Variants in PPARGC1A observed in about 807,000 individuals in gnomAD.
PPARGC1A encodes the protein PPARG coactivator 1 alpha.
Under a neutral mutation model 88.7 loss-of-function variants are expected in PPARGC1A, and 25 were observed. The observed-to-expected ratio is 0.28, with a 90% confidence interval of 0.21 to 0.39. The LOEUF (loss-of-function observed/expected upper bound fraction) is 0.39, where lower values mean the gene tolerates loss of function less well. Among genes scored for constraint, PPARGC1A ranks in the 10% least tolerant of loss-of-function variants. The pLI is 1.00. For missense variants in PPARGC1A, 880 were observed against 968.7 expected (o/e 0.91, Z 1.22); for synonymous variants, 363 against 355.6 (o/e 1.02, Z -0.24).
the PPARGC1A span, among the ~76,000 whole-genome samples, chr4:24,434,578 C>T: frequency 6.6e-6 from 1 of 152,164 alleles, no homozygotes. Flanking sequence ...CAGGGTGGGG[C>T]CCCTGGAAAC....
chr4:24,197,256 T>G, the PPARGC1A span, among the ~76,000 whole-genome samples: 4 of 152,214 alleles, frequency 2.6e-5, no homozygotes, highest in Non-Finnish European at 5.9e-5. Flanking sequence ...AATAACAACC[T>G]GCCATCTACC....
chr4:24,403,589 G>A, the PPARGC1A span, among the ~76,000 whole-genome samples: 1 of 152,114 alleles, frequency 6.6e-6, no homozygotes, highest in Non-Finnish European at 1.5e-5. Flanking sequence ...GACAGCATAA[G>A]ACCAGAAAGA....
the PPARGC1A span, among the ~76,000 whole-genome samples, chr4:23,993,818 CT>C: frequency 6.6e-6 from 1 of 152,004 alleles, no homozygotes; most frequent in East Asian, 1.9e-4. Flanking sequence ...AGAAAGCTTT[CT>C]TTTTTCCTAA....
chr4:24,285,799 T>C, the PPARGC1A span, among the ~76,000 whole-genome samples: 4 of 152,176 alleles, frequency 2.6e-5, no homozygotes, highest in Admixed American at 2.0e-4. Context: ...TTCTCCCTCA[T>C]ATATATTCTT....
chr4:23,845,420 T>C (rs1009236731), intron 2 of PPARGC1A, among the ~76,000 whole-genome samples: 2 of 152,118 alleles, frequency 1.3e-5, no homozygotes, highest in African/African-American at 2.4e-5. Context: ...TGGATCTATA[T>C]GGTATATTAA....
chr4:24,282,626 G>T, the PPARGC1A span, among the ~76,000 whole-genome samples: 2,689 of 152,326 alleles, frequency 0.018, 72 homozygotes, highest in East Asian at 0.1. Context: ...GAAGCACTTG[G>T]TGCCAAGCAG....
the PPARGC1A span, among the ~76,000 whole-genome samples, chr4:24,200,093 A>G: frequency 6.6e-6 from 1 of 152,206 alleles, no homozygotes; most frequent in Non-Finnish European, 1.5e-5. Flanking sequence ...TTGAGATGAT[A>G]AATAATATTA....
the PPARGC1A span, among the ~76,000 whole-genome samples, chr4:23,964,113 G>A: frequency 6.6e-6 from 1 of 152,178 alleles, no homozygotes; most frequent in African/African-American, 2.4e-5. Context: ...AATTATGATT[G>A]CAAATGCTTC....
chr4:24,017,580 T>A, the PPARGC1A span, among the ~76,000 whole-genome samples: 3 of 152,140 alleles, frequency 2.0e-5, no homozygotes, highest in South Asian at 2.1e-4. Flanking sequence ...AGAGAGAAAT[T>A]AAGGCAGAAA....
the PPARGC1A span, among the ~76,000 whole-genome samples, chr4:24,355,226 T>C: frequency 3.3e-5 from 5 of 152,222 alleles, no homozygotes; most frequent in Non-Finnish European, 7.3e-5. Context: ...ATCCTTTCTA[T>C]AGCTTATGAG....
the PPARGC1A span, among the ~76,000 whole-genome samples, chr4:24,183,173 T>C: frequency 4.6e-5 from 7 of 152,182 alleles, no homozygotes; most frequent in Admixed American, 2.0e-4. Context: ...TAAGTCTCTA[T>C]AGCTGGTGCA....
chr4:24,029,450 TA>T, the PPARGC1A span, among the ~76,000 whole-genome samples: 1 of 152,204 alleles, frequency 6.6e-6, no homozygotes, highest in Non-Finnish European at 1.5e-5. Context: ...ATCAGAAGGT[TA>T]AAGCAAAGGA....
At chr4:23,997,014 T>C in the PPARGC1A span, among the ~76,000 whole-genome samples, 1 of 152,206 alleles carries the variant, frequency 6.6e-6, no homozygotes, top group Admixed American at 6.5e-5. Flanking sequence ...AAAGATGCTA[T>C]GATCAATTAG....
At chr4:24,469,942 G>A in the PPARGC1A span, among the ~76,000 whole-genome samples, 1 of 151,992 alleles carries the variant, frequency 6.6e-6, no homozygotes, top group Non-Finnish European at 1.5e-5. Flanking sequence ...GCTTTTAAAC[G>A]CTCTCAAATG....
upstream of PPARGC1A, among the ~76,000 whole-genome samples, chr4:23,892,539 G>T (rs1718000746): frequency 7.0e-6 from 1 of 143,570 alleles, no homozygotes; most frequent in Non-Finnish European, 1.5e-5. Context: ...TTTTTCTTCA[G>T]TCCAGTTTTT....
the PPARGC1A span, among the ~76,000 whole-genome samples, chr4:24,322,641 T>C: frequency 6.6e-6 from 1 of 152,192 alleles, no homozygotes; most frequent in Non-Finnish European, 1.5e-5. Context: ...GAGCTGATTG[T>C]TAAATTTGCA....
chr4:24,314,052 GAA>G, the PPARGC1A span, among the ~76,000 whole-genome samples: 1 of 152,162 alleles, frequency 6.6e-6, no homozygotes, highest in African/African-American at 2.4e-5. Context: ...AACTGCATGT[GAA>G]AAGTGTTTAA....
the PPARGC1A span, among the ~76,000 whole-genome samples, chr4:24,266,148 T>C: frequency 9.9e-5 from 15 of 152,172 alleles, no homozygotes; most frequent in African/African-American, 3.6e-4. Context: ...TCTTAAGTAA[T>C]GTGAAGCTTA....
At chr4:23,970,646 C>T in the PPARGC1A span, among the ~76,000 whole-genome samples, 690 of 152,222 alleles carry the variant, frequency 4.5e-3, 7 homozygotes, top group African/African-American at 0.016. Context: ...GAGTCATGCG[C>T]TATGTTCTTT....
Sources: allele counts gnomAD v4.1 joint callset (sites outside exome capture counted in the v4.1 genomes callset), GRCh38; gene constraint gnomAD v4.1.1; transcripts MANE v1.5; gene names NCBI Gene and HGNC (gene_info 2026-07-23, HGNC 2026-07-21).